Variants in PDE3B observed in about 807,000 individuals in gnomAD.
The protein encoded by PDE3B is cGMP-inhibited 3',5'-cyclic phosphodiesterase 3B.
A neutral mutation model predicts 116.8 loss-of-function variants in PDE3B; 66 were observed. That is an observed-to-expected ratio of 0.56 (90% CI 0.46 to 0.69). The LOEUF (loss-of-function observed/expected upper bound fraction) is 0.69. Among genes scored for constraint, PDE3B ranks in the 30% least tolerant of loss-of-function variants. The pLI is 0.00. For missense variants in PDE3B, 1,384 were observed against 1,368.1 expected (o/e 1.01, Z -0.18); for synonymous variants, 595 against 533.6 (o/e 1.12, Z -1.59).
At chr11:14,835,150 T>G (rs1413869649) in intron 11 of PDE3B, 55 bp downstream of exon 11, 1 of 1,099,190 alleles carries the variant, frequency 9.1e-7, no homozygotes, top group Non-Finnish European at 1.3e-6. Flanking sequence ...TAAATCAAGC[T>G]TTCTCATTTC....
intron 1 of PDE3B, among the ~76,000 whole-genome samples, chr11:14,708,655 A>G (rs1855603187): frequency 6.6e-6 from 1 of 152,086 alleles, no homozygotes; most frequent in South Asian, 2.1e-4. Flanking sequence ...TCTGGAGTCG[A>G]TAACTATAGT....
chr11:14,670,296 A>G (rs1006122628), intron 1 of PDE3B, among the ~76,000 whole-genome samples: 16 of 152,202 alleles, frequency 1.1e-4, no homozygotes, highest in Admixed American at 3.3e-4. Context: ...GTTTTATTTT[A>G]GAGTAGTTGT....
At chr11:14,759,079 T>C (rs1234231232) in intron 1 of PDE3B, among the ~76,000 whole-genome samples, 2 of 152,124 alleles carry the variant, frequency 1.3e-5, no homozygotes, top group African/African-American at 4.8e-5. Flanking sequence ...TTTATTGATT[T>C]GCGTATATTG....
intron 1 of PDE3B, among the ~76,000 whole-genome samples, chr11:14,651,970 G>A (rs990698791): frequency 1.3e-5 from 2 of 152,120 alleles, no homozygotes; most frequent in African/African-American, 2.4e-5. Flanking sequence ...CAATTTTGAT[G>A]AAGTTTATCT....
intron 5 of PDE3B, among the ~76,000 whole-genome samples, chr11:14,805,844 C>T (rs552247489): frequency 6.6e-6 from 1 of 152,274 alleles, no homozygotes; most frequent in East Asian, 1.9e-4. Flanking sequence ...TATGAATAGA[C>T]ACTTCTCAAA....
At chr11:14,846,783 G>C (rs1442727484) in intron 12 of PDE3B, among the ~76,000 whole-genome samples, 1 of 152,202 alleles carries the variant, frequency 6.6e-6, no homozygotes, top group South Asian at 2.1e-4. Context: ...TCAACAAGAA[G>C]AGCTAACTAT....
At chr11:14,721,132 C>T (rs1426958423) in intron 1 of PDE3B, among the ~76,000 whole-genome samples, 1 of 150,626 alleles carries the variant, frequency 6.6e-6, no homozygotes, top group Non-Finnish European at 1.5e-5. Flanking sequence ...ACAGACACTT[C>T]TCAAAAGAAG....
rs1848128018 is a variant in PDE3B, at chr11:14,870,674, C to T, written c.*1014C>T. 1 of 152,326 alleles carries T rather than the reference C, an allele frequency of 6.6e-6. No individual in the cohort carries two copies. Among genetic ancestry groups the T allele is most frequent in the Non-Finnish European group, 1.5e-5 (1 of 68,008 alleles). The allele number at this position is 152,326 out of a possible 1,614,324, so 9.4% of individuals were successfully genotyped here. A position where few individuals can be genotyped will look rare whatever the true frequency, so the allele number is the denominator to read the frequency against. On this transcript the variant is annotated 3_prime_UTR_variant, in exon 16 of 16. Coordinates refer to ENST00000282096, the MANE Select transcript of PDE3B (RefSeq NM_000922.4). This position sits in a 1 kb window ranked among gnomAD's most constrained non-coding sequence, Gnocchi z 4.1. ...ACATCTTAGCTGTCATTTGTTCACTCTAAAACTGATGTTCATCTTTCTGTT... is the reference window on the plus strand; with the variant it reads ...ACATCTTAGCTGTCATTTGTTCACTTTAAAACTGATGTTCATCTTTCTGTT...
chr11:14,888,066 CCTTT>C, the PDE3B span, among the ~76,000 whole-genome samples: 1 of 152,118 alleles, frequency 6.6e-6, no homozygotes, highest in Admixed American at 6.6e-5. Flanking sequence ...TCCTTCATTT[CCTTT>C]GTCTTTGTTC....
At chr11:14,710,536 T>C (rs762794399) in intron 1 of PDE3B, among the ~76,000 whole-genome samples, 10 of 152,182 alleles carry the variant, frequency 6.6e-5, no homozygotes, top group Admixed American at 2.0e-4. Flanking sequence ...AGGATTGATA[T>C]ACAGGGAATG....
rs186549049 is a variant in PDE3B, at chr11:14,864,661, A to G, written c.2887-2845A>G. On this transcript the variant is annotated intron_variant, in intron 14 of 15. Coordinates refer to ENST00000282096, the MANE Select transcript of PDE3B (RefSeq NM_000922.4). Reference sequence around the variant, plus strand: ...TTAGGAAACTCACTCAAAACTGCACAATGACATGGAAACTGAACAACTTGC... The same window carrying G: ...TTAGGAAACTCACTCAAAACTGCACGATGACATGGAAACTGAACAACTTGC... 1.2e-3 allele frequency among the ~76,000 whole-genome samples: 183 copies of G among 152,334 alleles called. 1 individual carries two copies. The highest frequency in any genetic ancestry group is 2.7e-3 in the South Asian group (13 of 4,828).
chr11:14,722,676 A>G (rs1398926831), intron 1 of PDE3B, among the ~76,000 whole-genome samples: 4 of 152,210 alleles, frequency 2.6e-5, no homozygotes, highest in African/African-American at 7.2e-5. Context: ...CTGCAGAGCT[A>G]GTTTAGTCTT....
chr11:14,848,927 A>C (rs1358225758), intron 12 of PDE3B, among the ~76,000 whole-genome samples: 1 of 152,234 alleles, frequency 6.6e-6, no homozygotes, highest in African/African-American at 2.4e-5. Context: ...TAATTTATAG[A>C]TTCAATGCCA....
intron 1 of PDE3B, among the ~76,000 whole-genome samples, chr11:14,765,402 TGTAGAGCTCC>T (rs752699367): frequency 8.6e-5 from 13 of 151,882 alleles, no homozygotes; most frequent in Non-Finnish European, 1.8e-4. Flanking sequence ...TTGGTGGTTT[TGTAGAGCTCC>T]GTAGAGCGTG....
chr11:14,844,636 T>A (rs1045453934), intron 12 of PDE3B, among the ~76,000 whole-genome samples: 1 of 152,204 alleles, frequency 6.6e-6, no homozygotes, highest in Non-Finnish European at 1.5e-5. Flanking sequence ...CCCACCCCAG[T>A]ACTACGCTTT....
chr11:14,845,264 C>A (rs1235967435), intron 12 of PDE3B, among the ~76,000 whole-genome samples: 2 of 152,110 alleles, frequency 1.3e-5, no homozygotes, highest in African/African-American at 4.8e-5. Flanking sequence ...TCCAACAGAC[C>A]TGCAGCTGAG....
intron 1 of PDE3B, among the ~76,000 whole-genome samples, chr11:14,735,958 TTGTGTG>T (rs59099319): frequency 1.6e-3 from 222 of 143,020 alleles, no homozygotes; most frequent in Middle Eastern, 7.0e-3. Context: ...GAATAATAGG[TTGTGTG>T]TGTGTGTGTG....
the PDE3B span, chr11:14,880,718 C>T: frequency 2.5e-6 from 4 of 1,601,814 alleles, no homozygotes; most frequent in Admixed American, 3.5e-5. Context: ...CTGTTTACAG[C>T]TAATCGTCTG....
chr11:14,738,584 G>A (rs773470677), intron 1 of PDE3B, among the ~76,000 whole-genome samples: 1 of 152,178 alleles, frequency 6.6e-6, no homozygotes, highest in African/African-American at 2.4e-5. Flanking sequence ...TTCTTTTGCT[G>A]TGCAGAAGCT....
Sources: gnomAD v4.1 joint callset for allele counts (sites outside exome capture counted in the v4.1 genomes callset) on GRCh38, gnomAD v4.1.1 for gene constraint, Gnocchi (gnomAD v3.1) non-coding constraint, MANE v1.5 for transcripts, NCBI Gene and HGNC (gene_info 2026-07-23, HGNC 2026-07-21) for gene names.